Variants in BEND7 observed in about 807,000 individuals in gnomAD.
The protein encoded by BEND7 is BEN domain containing 7, also known as BEN domain-containing protein 7.
Under a neutral mutation model 50.9 loss-of-function variants are expected in BEND7, and 28 were observed. The ratio of observed to expected loss-of-function variants is 0.55; its 90% CI spans 0.41 to 0.75. BEND7 has a LOEUF of 0.75. BEND7 is among the 30% of genes least tolerant of loss of function. BEND7 has a pLI of 0.00. For missense variants in BEND7, 477 were observed against 491.3 expected (o/e 0.97, Z 0.28); for synonymous variants, 170 against 183.9 (o/e 0.92, Z 0.61).
At chr10:13,475,948 T>C (rs551140574) in intron 6 of BEND7, among the ~76,000 whole-genome samples, 1 of 152,248 alleles carries the variant, frequency 6.6e-6, no homozygotes, top group South Asian at 2.1e-4. Flanking sequence ...ATTGGAGGGG[T>C]ACTCAAAACC....
rs537038685 is a variant in BEND7 at position 13,490,344 on chromosome 10, C to T, written c.837+2267G>A. Among the ~76,000 whole-genome samples, 131 of 152,334 alleles carry T rather than the reference C, an allele frequency of 8.6e-4. 1 individual carries two copies. Among genetic ancestry groups the T allele is most frequent in the South Asian group, 3.7e-3 (18 of 4,832 alleles). On this transcript the variant is annotated intron_variant, in intron 5 of 8. Coordinates refer to ENST00000466271, the MANE Select transcript of BEND7 (RefSeq NM_001369863.1). ...GTTGAGGATATGAAATTCACTTTTC[C>T]TTCCCATCCAGAGCTGAAAAGCCTG... is the stretch of plus-strand genomic sequence containing the variant.
chr10:13,517,907 C>T (rs1203030839), intron 2 of BEND7, among the ~76,000 whole-genome samples: 1 of 152,226 alleles, frequency 6.6e-6, no homozygotes, highest in Admixed American at 6.5e-5. Flanking sequence ...GTCCAGGTCA[C>T]TTTCTCTCCG....
intron 6 of BEND7, among the ~76,000 whole-genome samples, chr10:13,461,270 T>G (rs1239312569): frequency 6.6e-6 from 1 of 152,136 alleles, no homozygotes; most frequent in Non-Finnish European, 1.5e-5. Context: ...AGCTCAGGTT[T>G]CTACACCCAC....
intron 6 of BEND7, among the ~76,000 whole-genome samples, chr10:13,472,490 G>T (rs575243008): frequency 6.6e-6 from 1 of 151,898 alleles, no homozygotes; most frequent in South Asian, 2.1e-4. Context: ...TGTTAGACTC[G>T]GGGCTGATAT....
At chr10:13,461,080 G>T (rs559539347) in intron 6 of BEND7, among the ~76,000 whole-genome samples, 194 of 152,316 alleles carry the variant, frequency 1.3e-3, no homozygotes, top group African/African-American at 4.4e-3. Context: ...GGAGTGGGTA[G>T]CGGGGAAAGC....
intron 2 of BEND7, among the ~76,000 whole-genome samples, chr10:13,504,112 A>G (rs896861875): frequency 6.6e-6 from 1 of 152,176 alleles, no homozygotes; most frequent in Non-Finnish European, 1.5e-5. Flanking sequence ...GAAGACTCCA[A>G]GTGACAATGA....
chr10:13,458,597 C>T (rs1422057320), intron 6 of BEND7, among the ~76,000 whole-genome samples: 1 of 152,194 alleles, frequency 6.6e-6, no homozygotes, highest in Non-Finnish European at 1.5e-5. Context: ...AACTTGTGAT[C>T]AAATCAAGGT....
In BEND7 at chr10:13,488,688, C is replaced by T. The variant is rs1300016996; in HGVS notation, c.837+3923G>A. Among the ~76,000 whole-genome samples the T allele has an allele frequency of 3.9e-5, 6 of 152,226 alleles. No individual in the cohort carries two copies. In the East Asian group the frequency reaches 5.8e-4, roughly 15 times the overall value. ...ATTTTCAGTAGAGACGGGGTTTCACCATGTTGGCCAGGACTGTCTCAATCT... is the reference window on the plus strand; with the variant it reads ...ATTTTCAGTAGAGACGGGGTTTCACTATGTTGGCCAGGACTGTCTCAATCT... On this transcript the variant is annotated intron_variant, in intron 5 of 8. Coordinates refer to ENST00000466271, the MANE Select transcript of BEND7 (RefSeq NM_001369863.1).
chr10:13,497,877 C>T (rs1588956567), intron 3 of BEND7, among the ~76,000 whole-genome samples: 1 of 152,078 alleles, frequency 6.6e-6, no homozygotes, highest in East Asian at 1.9e-4. Flanking sequence ...CTGTAATATG[C>T]ATTATTTAGG....
chr10:13,465,069 G>A (rs1203521782), intron 6 of BEND7, among the ~76,000 whole-genome samples: 1 of 152,132 alleles, frequency 6.6e-6, no homozygotes, highest in African/African-American at 2.4e-5. Context: ...TCAAAGCAAG[G>A]GCAGAGATCA....
chr10:13,452,590 T>C lies in BEND7; in HGVS notation c.1132A>G (p.Ile378Val), dbSNP rs773463709. ...GCCAGTTTAATTTGATCCTGTAGAA[T>C]CTGTACCCAATCTCTTGGGCCAGGA... is the stretch of plus-strand genomic sequence containing the variant. ...KLPGPRDWVQILQDQIKLARR... is the reference protein window; with the variant it reads ...KLPGPRDWVQVLQDQIKLARR... The change falls in exon 7 of 9, where the codon ATT (isoleucine) becomes GTT (valine). Residue 378 changes from isoleucine (I) to valine (V), a missense_variant. Transcript: ENST00000466271. The C allele has an allele frequency of 6.2e-7, 1 of 1,613,826 alleles. No homozygotes were observed. The highest frequency in any genetic ancestry group is 8.5e-7 in the Non-Finnish European group (1 of 1,179,796).
At chr10:13,455,708 A>G (rs1305073292) in intron 6 of BEND7, among the ~76,000 whole-genome samples, 1 of 152,174 alleles carries the variant, frequency 6.6e-6, no homozygotes, top group East Asian at 1.9e-4. Flanking sequence ...CTCCAACAGA[A>G]GGAGGGAAAT....
chr10:13,481,162 T>A, intron 5 of BEND7, 38 bp from the exon 6 acceptor site: 1 of 1,602,098 alleles, frequency 6.2e-7, no homozygotes, highest in Non-Finnish European at 8.5e-7. Context: ...AAAAGCAAGA[T>A]TTGAAGCATC....
At chr10:13,520,264 G>A (rs536023944) in intron 2 of BEND7, among the ~76,000 whole-genome samples, 32 of 152,128 alleles carry the variant, frequency 2.1e-4, no homozygotes, top group African/African-American at 7.7e-4. Context: ...AGCACACACC[G>A]GAGGCAGTAA....
chr10:13,480,723 G>C (rs1330502454), intron 6 of BEND7, 176 bp downstream of exon 6: 3 of 985,208 alleles, frequency 3.0e-6, no homozygotes, highest in Non-Finnish European at 3.6e-6. Context: ...ATGAATTCTA[G>C]TGGTACTTGG....
intron 5 of BEND7, among the ~76,000 whole-genome samples, chr10:13,486,609 C>T (rs969079609): frequency 5.9e-5 from 9 of 152,182 alleles, no homozygotes; most frequent in African/African-American, 1.9e-4. Flanking sequence ...TACACGATAG[C>T]CTATAGTGAA....
chr10:13,479,627 T>C (rs2075711757), intron 6 of BEND7, among the ~76,000 whole-genome samples: 1 of 152,242 alleles, frequency 6.6e-6, no homozygotes, highest in African/African-American at 2.4e-5. Flanking sequence ...ACTTACATCA[T>C]TGACCATTTT....
intron 2 of BEND7, among the ~76,000 whole-genome samples, chr10:13,518,183 T>G (rs1193322720): frequency 6.6e-6 from 1 of 152,236 alleles, no homozygotes; most frequent in Non-Finnish European, 1.5e-5. Flanking sequence ...ATATCACACT[T>G]TTCATTTATA....
At chr10:13,514,145 T>C (rs1327019836) in intron 2 of BEND7, among the ~76,000 whole-genome samples, 1 of 152,148 alleles carries the variant, frequency 6.6e-6, no homozygotes, top group East Asian at 1.9e-4. Context: ...AGGGCTCCTG[T>C]CCCATGTTCC....
Sources: gnomAD v4.1 joint callset for allele counts (sites outside exome capture counted in the v4.1 genomes callset) on GRCh38, gnomAD v4.1.1 for gene constraint, MANE v1.5 for transcripts, NCBI Gene and HGNC (gene_info 2026-07-23, HGNC 2026-07-21) for gene names.